The following DAAM1 variants were observed in gnomAD, a reference collection of about 807,000 sequenced individuals.
DAAM1 encodes the protein dishevelled associated activator of morphogenesis 1, also known as disheveled-associated activator of morphogenesis 1.
DAAM1 carries 52 observed loss-of-function variants against 130.0 expected under a neutral mutation model. That is an observed-to-expected ratio of 0.40 (90% CI 0.32 to 0.50). The LOEUF is 0.50. Among genes scored for constraint, DAAM1 ranks in the 20% least tolerant of loss-of-function variants. The probability of loss-of-function intolerance (pLI) is 0.61; values close to 1 mark genes in which losing one functional copy is unlikely to be tolerated. For missense variants in DAAM1, 1,134 were observed against 1,303.8 expected, an observed-to-expected ratio of 0.87 and a Z score of 2.01; for synonymous variants, 452 against 444.5, an observed-to-expected ratio of 1.02 and a Z score of -0.21.
At chr14:59,233,711 A>T (rs1889192259) in intron 1 of DAAM1, among the ~76,000 whole-genome samples, 1 of 152,180 alleles carries the variant, frequency 6.6e-6, no homozygotes, top group Non-Finnish European at 1.5e-5. Context: ...GTCTTTGCTC[A>T]TGTCCATGTC....
At chr14:59,203,942 G>A (rs1888186996) in intron 1 of DAAM1, among the ~76,000 whole-genome samples, 1 of 152,172 alleles carries the variant, frequency 6.6e-6, no homozygotes. Context: ...TGTAGCTCAA[G>A]GTTTCTCAAA....
chr14:59,362,045 G>A (rs1409090031), intron 22 of DAAM1, among the ~76,000 whole-genome samples: 3 of 139,904 alleles, frequency 2.1e-5, no homozygotes, highest in Admixed American at 7.2e-5. Context: ...AATGTAGGGA[G>A]TAGGGGGCAG....
chr14:59,292,474 G>A (rs1260927578), intron 3 of DAAM1, among the ~76,000 whole-genome samples: 1 of 152,130 alleles, frequency 6.6e-6, no homozygotes, highest in East Asian at 1.9e-4. Context: ...ACTCTCTCTA[G>A]CAGTGAGCCT....
At chr14:59,197,131 T>A (rs938085357) in intron 1 of DAAM1, among the ~76,000 whole-genome samples, 2 of 152,134 alleles carry the variant, frequency 1.3e-5, no homozygotes, top group Non-Finnish European at 1.5e-5. Flanking sequence ...CGTGTTAGCC[T>A]GGATGGTCTC....
intron 3 of DAAM1, among the ~76,000 whole-genome samples, chr14:59,301,074 GAT>G (rs753570054): frequency 2.5e-4 from 36 of 146,574 alleles, no homozygotes; most frequent in Non-Finnish European, 4.6e-4. Flanking sequence ...ACCATGTGAA[GAT>G]ACTGTCTGAG....
At chr14:59,206,711 G>A (rs1053565683) in intron 1 of DAAM1, among the ~76,000 whole-genome samples, 3 of 152,204 alleles carry the variant, frequency 2.0e-5, no homozygotes, top group African/African-American at 7.2e-5. Context: ...CTATTTTGAG[G>A]AGGAAAGTAG....
In DAAM1 at chr14:59,263,620, C is replaced by T; in HGVS notation, c.143C>T (p.Pro48Leu). 6.2e-7 allele frequency: 1 copy of T among 1,614,172 alleles called. No individual in the cohort carries two copies. Among genetic ancestry groups the T allele is most frequent in the Non-Finnish European group, 8.5e-7 (1 of 1,180,030 alleles). ...ACCATGGAACCAGCATTGCCCATGC[C>T]CCCTGTGGAGGAGCTGGATGTCATG... ...LQTMEPALPM[P>L]PVEELDVMFS... Residue 48 changes from proline (P) to leucine (L), a missense_variant, in exon 2 of 25, where the codon CCC becomes CTC. Pro to Leu is a moderately conservative substitution (Grantham distance 98, BLOSUM62 -3). This residue lies in a region of DAAM1 where 99 missense variants were observed against 86.4 expected (regional missense o/e 1.15). Transcript: ENST00000360909.
chr14:59,230,162 C>G (rs929666418), intron 1 of DAAM1, among the ~76,000 whole-genome samples: 2 of 152,162 alleles, frequency 1.3e-5, no homozygotes, highest in Non-Finnish European at 2.9e-5. Context: ...CTTACCACTT[C>G]CTTACAAATG....
At chr14:59,299,345 C>T (rs1018053446) in intron 3 of DAAM1, among the ~76,000 whole-genome samples, 7 of 152,158 alleles carry the variant, frequency 4.6e-5, no homozygotes, top group African/African-American at 1.7e-4. Context: ...TCTAATTTCT[C>T]GCTCCTCTGT....
chr14:59,357,655 G>A (rs973416615), intron 20 of DAAM1, among the ~76,000 whole-genome samples: 2 of 152,174 alleles, frequency 1.3e-5, no homozygotes, highest in East Asian at 3.9e-4. Context: ...TCATGCGCTT[G>A]TAGTCCCAGC....
chr14:59,353,757 TC>T (rs1886371861), intron 18 of DAAM1, 118 bp from the exon 19 acceptor site: 1 of 827,742 alleles, frequency 1.2e-6, no homozygotes. Flanking sequence ...TGTATGTGTG[TC>T]GGGGGAGTGG....
chr14:59,310,467 T>C (rs1884545522), intron 3 of DAAM1, among the ~76,000 whole-genome samples: 3 of 152,114 alleles, frequency 2.0e-5, no homozygotes, highest in African/African-American at 7.2e-5. Flanking sequence ...GTGACTATTT[T>C]GCTTATTAAC....
intron 1 of DAAM1, among the ~76,000 whole-genome samples, chr14:59,202,719 G>A (rs532028771): frequency 7.2e-5 from 11 of 152,116 alleles, no homozygotes; most frequent in East Asian, 3.9e-4. Context: ...TGCTCTTTGC[G>A]TTCCCTGGCA....
intron 3 of DAAM1, among the ~76,000 whole-genome samples, chr14:59,312,857 C>G (rs1416053662): frequency 6.6e-6 from 1 of 152,170 alleles, no homozygotes; most frequent in African/African-American, 2.4e-5. Context: ...GAAGGGCTCC[C>G]CCATCCACAG....
At chr14:59,288,834 AG>A (rs2139559919) in intron 2 of DAAM1, among the ~76,000 whole-genome samples, 1 of 88,874 alleles carries the variant, frequency 1.1e-5, no homozygotes, top group South Asian at 4.2e-4. Flanking sequence ...TGATAGCAGG[AG>A]AGAGAGAGAG....
chr14:59,338,368 C>T (rs765334644), intron 15 of DAAM1: 12 of 1,613,586 alleles, frequency 7.4e-6, no homozygotes, highest in Non-Finnish European at 1.0e-5. Context: ...TTTTCCATGC[C>T]TCTGCCATGG....
At chr14:59,345,136 ACCCAGTTGAGG>A (rs1566715586) in intron 16 of DAAM1, among the ~76,000 whole-genome samples, 1 of 152,110 alleles carries the variant, frequency 6.6e-6, no homozygotes, top group African/African-American at 2.4e-5. Flanking sequence ...GTCTAAGGCT[ACCCAGTTGAGG>A]CCCTGATGCT....
chr14:59,285,759 C>T (rs1883422351), intron 2 of DAAM1, among the ~76,000 whole-genome samples: 1 of 152,092 alleles, frequency 6.6e-6, no homozygotes, highest in African/African-American at 2.4e-5. Flanking sequence ...TATTGGAGCA[C>T]CCAGATTCAT....
intron 2 of DAAM1, among the ~76,000 whole-genome samples, chr14:59,277,260 C>T (rs1425890287): frequency 6.6e-6 from 1 of 151,610 alleles, no homozygotes; most frequent in Non-Finnish European, 1.5e-5. Context: ...CAAATGAATC[C>T]ATTTCCTTCG....
Sources: gnomAD v4.1 joint callset for allele counts (sites outside exome capture counted in the v4.1 genomes callset) on GRCh38, gnomAD v4.1.1 for gene constraint, gnomAD v4.1.1 regional missense constraint, MANE v1.5 for transcripts, NCBI Gene and HGNC (gene_info 2026-07-23, HGNC 2026-07-21) for gene names.